Variants in SNTB1 observed in about 807,000 individuals in gnomAD.
The protein encoded by SNTB1 is beta-1-syntrophin.
A neutral mutation model predicts 48.9 loss-of-function variants in SNTB1; 36 were observed. That is an observed-to-expected ratio of 0.74 (90% CI 0.56 to 0.97). The LOEUF (loss-of-function observed/expected upper bound fraction) is 0.97, where lower values mean the gene tolerates loss of function less well. Ranked by LOEUF, SNTB1 falls within the 50% of genes least tolerant of loss-of-function variation. SNTB1 has a pLI of 0.00. For missense variants in SNTB1, 786 were observed against 703.4 expected (o/e 1.12, Z -1.33); for synonymous variants, 299 against 294.6 (o/e 1.01, Z -0.15).
intron 1 of SNTB1, among the ~76,000 whole-genome samples, chr8:120,765,522 C>A (rs1308241717): frequency 6.6e-6 from 1 of 152,092 alleles, no homozygotes; most frequent in African/African-American, 2.4e-5. Context: ...TTGAGAAGTC[C>A]AATATCAAGG....
chr8:120,603,515 C>T (rs1381943256), intron 3 of SNTB1, among the ~76,000 whole-genome samples: 1 of 152,184 alleles, frequency 6.6e-6, no homozygotes, highest in African/African-American at 2.4e-5. Context: ...CCAGAATCAT[C>T]AGCATTGCCT....
chr8:120,605,762 T>G (rs2130724521), intron 3 of SNTB1, among the ~76,000 whole-genome samples: 1 of 152,312 alleles, frequency 6.6e-6, no homozygotes, highest in Non-Finnish European at 1.5e-5. Flanking sequence ...CTGACTCCCG[T>G]GAGCTATGCA....
chr8:120,592,780 A>G (rs1179888464), intron 3 of SNTB1, among the ~76,000 whole-genome samples: 3 of 152,194 alleles, frequency 2.0e-5, no homozygotes, highest in African/African-American at 7.2e-5. Flanking sequence ...AGCTCTGTTG[A>G]GTCAGTTTCC....
At chr8:120,595,075 G>C (rs1816301067) in intron 3 of SNTB1, among the ~76,000 whole-genome samples, 1 of 151,944 alleles carries the variant, frequency 6.6e-6, no homozygotes, top group Non-Finnish European at 1.5e-5. Flanking sequence ...ACTCTCCTTG[G>C]TCCTCCTTGA....
intron 1 of SNTB1, among the ~76,000 whole-genome samples, chr8:120,803,864 T>A (rs1256031530): frequency 2.0e-5 from 3 of 152,188 alleles, no homozygotes; most frequent in East Asian, 1.9e-4. Context: ...ATATTCAGAC[T>A]TGTAGGTCCC....
chr8:120,586,212 A>G (rs954228659), intron 3 of SNTB1, among the ~76,000 whole-genome samples: 1 of 152,268 alleles, frequency 6.6e-6, no homozygotes, highest in African/African-American at 2.4e-5. Context: ...GCATCGCCAA[A>G]TCTTCCAGTG....
At chr8:120,614,255 T>C (rs1816671764) in intron 3 of SNTB1, among the ~76,000 whole-genome samples, 1 of 152,224 alleles carries the variant, frequency 6.6e-6, no homozygotes, top group African/African-American at 2.4e-5. Flanking sequence ...AGATACCCTG[T>C]CCAAAGTAAA....
chr8:120,572,379 A>T (rs766895967), intron 4 of SNTB1, among the ~76,000 whole-genome samples: 7 of 152,202 alleles, frequency 4.6e-5, no homozygotes, highest in Non-Finnish European at 8.8e-5. Flanking sequence ...GAAGGACACA[A>T]ATATGACTTT....
intron 1 of SNTB1, among the ~76,000 whole-genome samples, chr8:120,739,454 A>T (rs1422213655): frequency 6.6e-6 from 1 of 152,212 alleles, no homozygotes; most frequent in East Asian, 1.9e-4. Flanking sequence ...CAAAAAAGGG[A>T]ATTTCCCAAG....
chr8:120,599,551 C>T (rs928519480), intron 3 of SNTB1, among the ~76,000 whole-genome samples: 2 of 152,128 alleles, frequency 1.3e-5, no homozygotes, highest in Non-Finnish European at 1.5e-5. Context: ...AAGATATACA[C>T]GATCAGTCAG....
At chr8:120,701,752 T>C (rs1419099667) in intron 1 of SNTB1, among the ~76,000 whole-genome samples, 1 of 152,224 alleles carries the variant, frequency 6.6e-6, no homozygotes, top group East Asian at 1.9e-4. Flanking sequence ...CTGGCATAAA[T>C]ACATCTGGAA....
intron 3 of SNTB1, among the ~76,000 whole-genome samples, chr8:120,623,941 T>C (rs1308898935): frequency 1.3e-5 from 2 of 152,024 alleles, no homozygotes; most frequent in African/African-American, 4.8e-5. Context: ...TTTTTGTTTG[T>C]TTGTTTGTTT....
At chr8:120,613,717 T>TG (rs1267557214) in intron 3 of SNTB1, among the ~76,000 whole-genome samples, 2 of 152,236 alleles carry the variant, frequency 1.3e-5, no homozygotes, top group Non-Finnish European at 2.9e-5. Flanking sequence ...AGAATTACCA[T>TG]GTATCCGGTA....
chr8:120,737,994 C>T (rs1010405862), intron 1 of SNTB1, among the ~76,000 whole-genome samples: 3 of 152,086 alleles, frequency 2.0e-5, no homozygotes, highest in Admixed American at 6.6e-5. Flanking sequence ...TTTGTATCCT[C>T]CCCAAATTCA....
At chr8:120,754,876 G>A (rs1243740579) in intron 1 of SNTB1, among the ~76,000 whole-genome samples, 8 of 152,128 alleles carry the variant, frequency 5.3e-5, no homozygotes, top group African/African-American at 1.7e-4. Flanking sequence ...ATACATTATG[G>A]ACTGTAGAGT....
At chr8:120,737,708 C>G (rs1305530841) in intron 1 of SNTB1, among the ~76,000 whole-genome samples, 1 of 152,180 alleles carries the variant, frequency 6.6e-6, no homozygotes, top group Admixed American at 6.5e-5. Flanking sequence ...TCAGCATGCT[C>G]TCCACCTACC....
chr8:120,702,288 G>A lies in SNTB1; in HGVS notation c.572-8380C>T, dbSNP rs371482446. Among the ~76,000 whole-genome samples the A allele has an allele frequency of 2.6e-5, 4 of 152,290 alleles. No homozygotes were observed. In the South Asian group the frequency reaches 8.3e-4, roughly 32 times the overall value. On this transcript the variant is annotated intron_variant, in intron 1 of 6. Transcript: ENST00000517992. ...AGAAAGTGACATGCACTAGAGGACA[G>A]GAGCCCGTCCCCTTTCACACAGAGC...
chr8:120,568,741 G>A (rs977525608), intron 4 of SNTB1, among the ~76,000 whole-genome samples: 9 of 152,184 alleles, frequency 5.9e-5, no homozygotes, highest in East Asian at 1.9e-4. Flanking sequence ...CTAAGATCCC[G>A]GACATACTCT....
chr8:120,801,956 G>T (rs1820233578), intron 1 of SNTB1, among the ~76,000 whole-genome samples: 2 of 152,022 alleles, frequency 1.3e-5, no homozygotes, highest in African/African-American at 4.8e-5. Context: ...TGAGTGATGG[G>T]TCTATTTCTC....
Sources: gnomAD v4.1 joint callset for allele counts (sites outside exome capture counted in the v4.1 genomes callset) on GRCh38, gnomAD v4.1.1 for gene constraint, MANE v1.5 for transcripts, NCBI Gene and HGNC (gene_info 2026-07-23, HGNC 2026-07-21) for gene names.